Variants in PCDHA4 observed in about 807,000 individuals in gnomAD.
PCDHA4 encodes protocadherin alpha-4.
Under a neutral mutation model 61.4 loss-of-function variants are expected in PCDHA4, and 49 were observed. The ratio of observed to expected loss-of-function variants is 0.80; its 90% CI spans 0.63 to 1.01. PCDHA4 has a LOEUF of 1.01. Ranked by LOEUF, PCDHA4 falls within the 50% of genes least tolerant of loss-of-function variation. The pLI is 0.00. For synonymous variants in PCDHA4, 590 were observed against 550.3 expected (o/e 1.07, Z -1.01); for missense variants, 1,254 against 1,235.8 (o/e 1.01, Z -0.22).
At chr5:140,994,214 G>A (rs2153923643) in intron 3 of PCDHA4, among the ~76,000 whole-genome samples, 1 of 152,296 alleles carries the variant, frequency 6.6e-6, no homozygotes, top group South Asian at 2.1e-4. Flanking sequence ...ATGGGACCCA[G>A]GGTCTGTCTA....
chr5:140,817,377 T>A (rs1766124750), intron 1 of PCDHA4: 1 of 152,226 alleles, frequency 6.6e-6, no homozygotes, highest in South Asian at 2.1e-4. Flanking sequence ...TCGGCACTTA[T>A]CACCATGGGA....
chr5:140,838,244 G>A (rs1372782254), intron 1 of PCDHA4, among the ~76,000 whole-genome samples: 4 of 149,760 alleles, frequency 2.7e-5, no homozygotes, highest in Non-Finnish European at 5.9e-5. Flanking sequence ...CTCCCAAGTA[G>A]CTGGGATTAA....
At chr5:140,891,400 G>A (rs1220760247) in intron 1 of PCDHA4, among the ~76,000 whole-genome samples, 1 of 150,966 alleles carries the variant, frequency 6.6e-6, no homozygotes, top group Non-Finnish European at 1.5e-5. Flanking sequence ...TTTATCCCTC[G>A]CCACCCCCCA....
At chr5:140,978,805 T>G in intron 1 of PCDHA4, 144 bp from the exon 2 acceptor site, 4 of 1,492,524 alleles carry the variant, frequency 2.7e-6, no homozygotes, top group Non-Finnish European at 3.6e-6. Flanking sequence ...GTAGATATCA[T>G]CATAGAGTTA....
At chr5:140,870,441 C>T in intron 1 of PCDHA4, 2 of 1,614,224 alleles carry the variant, frequency 1.2e-6, no homozygotes, top group South Asian at 1.1e-5. Context: ...AGGTGGCCGA[C>T]GTGAACGACA....
intron 1 of PCDHA4, among the ~76,000 whole-genome samples, chr5:140,833,741 C>T (rs1772605198): frequency 8.1e-6 from 1 of 122,760 alleles, no homozygotes; most frequent in African/African-American, 3.1e-5. Context: ...TTCTTGCCTC[C>T]TAAAAAGAAA....
At chr5:140,877,845 TTATTAA>T in intron 1 of PCDHA4, 3 of 1,555,618 alleles carry the variant, frequency 1.9e-6, no homozygotes, top group Non-Finnish European at 2.6e-6. Context: ...GTGAAGTAAG[TTATTAA>T]TATTATTTAG....
At chr5:140,837,512 T>G (rs1554136488) in intron 1 of PCDHA4, among the ~76,000 whole-genome samples, 2 of 96,740 alleles carry the variant, frequency 2.1e-5, no homozygotes, top group African/African-American at 1.1e-4. Context: ...TCTGAAGCAG[T>G]TTACTTTTTT....
In PCDHA4 at chr5:140,903,730, A is replaced by G. The variant is rs2070542594; in HGVS notation, c.2386-75219A>G. Among the ~76,000 whole-genome samples, 4 of 152,350 alleles carry G rather than the reference A, an allele frequency of 2.6e-5. No homozygotes were observed. In the South Asian group the frequency reaches 8.3e-4, roughly 32 times the overall value. ...AAATATACAATTCTCCCTATTATCA[A>G]TTATTACAGAATGTTTCCCTTGATT... is the stretch of plus-strand genomic sequence containing the variant. On this transcript the variant is annotated intron_variant, in intron 1 of 3. Transcript: ENST00000530339.
chr5:140,875,949 T>G (rs1306170767), intron 1 of PCDHA4: 3 of 1,614,214 alleles, frequency 1.9e-6, no homozygotes, highest in East Asian at 4.5e-5. Flanking sequence ...GCGCTTCTGA[T>G]GCGGATATCG....
chr5:140,878,450 A>T (rs2057594535), intron 1 of PCDHA4, among the ~76,000 whole-genome samples: 1 of 152,224 alleles, frequency 6.6e-6, no homozygotes, highest in Non-Finnish European at 1.5e-5. Context: ...TCTTATTTAC[A>T]TGAAATATAA....
chr5:141,008,718 T>C (rs2098388409), intron 3 of PCDHA4, among the ~76,000 whole-genome samples: 1 of 152,230 alleles, frequency 6.6e-6, no homozygotes, highest in Non-Finnish European at 1.5e-5. Context: ...TGCTTGAGTG[T>C]ATGTCCAACT....
intron 1 of PCDHA4, among the ~76,000 whole-genome samples, chr5:140,915,554 G>A (rs1276502641): frequency 6.6e-6 from 1 of 152,036 alleles, no homozygotes; most frequent in Non-Finnish European, 1.5e-5. Context: ...ATAAGATCCA[G>A]AATGATTATC....
intron 1 of PCDHA4, among the ~76,000 whole-genome samples, chr5:140,934,446 A>G (rs527371307): frequency 2.0e-5 from 3 of 152,188 alleles, no homozygotes; most frequent in Non-Finnish European, 4.4e-5. Context: ...ATAGTGAAAA[A>G]TGCAAATAAT....
At chr5:140,969,865 C>T (rs982289120) in intron 1 of PCDHA4, among the ~76,000 whole-genome samples, 1 of 152,204 alleles carries the variant, frequency 6.6e-6, no homozygotes. Flanking sequence ...GGTACTTGCA[C>T]TGAACCTATG....
At chr5:140,863,748 C>T (rs1221413981) in intron 1 of PCDHA4, 2 of 241,286 alleles carry the variant, frequency 8.3e-6, no homozygotes, top group South Asian at 5.4e-5. Flanking sequence ...TTTGTAATCC[C>T]GGCACTTTGG....
chr5:140,835,866 G>T (rs2150246890), intron 1 of PCDHA4: 3 of 1,612,132 alleles, frequency 1.9e-6, no homozygotes, highest in Admixed American at 3.3e-5. Context: ...CTACTCGCTG[G>T]TGGAGCTGCG....
intron 1 of PCDHA4, chr5:140,877,329 C>T: frequency 6.2e-7 from 1 of 1,614,012 alleles, no homozygotes; most frequent in South Asian, 1.1e-5. Flanking sequence ...TCGGCGCGCA[C>T]ATCCCGTTCC....
intron 1 of PCDHA4, chr5:140,842,102 G>C (rs1777709784): frequency 1.9e-6 from 3 of 1,613,894 alleles, no homozygotes; most frequent in East Asian, 4.5e-5. Context: ...CGGAACAACA[G>C]TTATCAAACT....
Sources: allele counts gnomAD v4.1 joint callset (sites outside exome capture counted in the v4.1 genomes callset), GRCh38; gene constraint gnomAD v4.1.1; transcripts MANE v1.5; gene names NCBI Gene and HGNC (gene_info 2026-07-23, HGNC 2026-07-21).